Variants in PLCXD3 observed in about 807,000 individuals in gnomAD.
PLCXD3 encodes the protein PI-PLC X domain-containing protein 3.
PLCXD3 carries 19 observed loss-of-function variants against 25.5 expected under a neutral mutation model. That is an observed-to-expected ratio of 0.75 (90% CI 0.52 to 1.09). PLCXD3 has a LOEUF of 1.09. Among genes scored for constraint, PLCXD3 ranks in the 50% least tolerant of loss-of-function variants. PLCXD3 has a pLI of 0.00. For missense variants in PLCXD3, 411 were observed against 388.1 expected (o/e 1.06, Z -0.50); for synonymous variants, 174 against 137.6 (o/e 1.26, Z -1.85).
intron 1 of PLCXD3, among the ~76,000 whole-genome samples, chr5:41,482,292 A>C (rs1748430228): frequency 6.6e-6 from 1 of 152,162 alleles, no homozygotes; most frequent in African/African-American, 2.4e-5. Flanking sequence ...TGGATGAATG[A>C]GTCCCAAATC....
chr5:41,470,379 G>GA (rs61142255), intron 1 of PLCXD3, among the ~76,000 whole-genome samples: 32,604 of 151,886 alleles, frequency 0.21, 3,491 homozygotes, highest in Admixed American at 0.24. Flanking sequence ...ACAGAAATCT[G>GA]AAAAAAACAT....
intron 1 of PLCXD3, among the ~76,000 whole-genome samples, chr5:41,407,823 A>G (rs1465920235): frequency 6.6e-6 from 1 of 152,214 alleles, no homozygotes; most frequent in Non-Finnish European, 1.5e-5. Flanking sequence ...TCATGCTGTG[A>G]TTTCTCTTTG....
intron 2 of PLCXD3, among the ~76,000 whole-genome samples, chr5:41,346,736 G>T (rs1158381350): frequency 6.6e-6 from 1 of 152,148 alleles, no homozygotes; most frequent in Non-Finnish European, 1.5e-5. Flanking sequence ...ATGTCATATG[G>T]TTGAACTTAC....
intron 2 of PLCXD3, among the ~76,000 whole-genome samples, chr5:41,370,706 A>G (rs560613323): frequency 1.3e-5 from 2 of 152,240 alleles, no homozygotes; most frequent in Admixed American, 1.3e-4. Flanking sequence ...AAACATCTGG[A>G]TCGCAAGCCC....
intron 1 of PLCXD3, among the ~76,000 whole-genome samples, chr5:41,500,131 C>T (rs939169957): frequency 3.3e-5 from 5 of 151,782 alleles, no homozygotes; most frequent in Admixed American, 1.3e-4. Flanking sequence ...TGTTTATCTC[C>T]GCACTATTCA....
chr5:41,480,308 A>C (rs1184587423), intron 1 of PLCXD3, among the ~76,000 whole-genome samples: 1 of 152,138 alleles, frequency 6.6e-6, no homozygotes, highest in Non-Finnish European at 1.5e-5. Context: ...GAGCTCCAGG[A>C]CACAGCAATG....
At chr5:41,397,224 G>A (rs1038138341) in intron 1 of PLCXD3, among the ~76,000 whole-genome samples, 1 of 152,180 alleles carries the variant, frequency 6.6e-6, no homozygotes, top group Non-Finnish European at 1.5e-5. Context: ...AGGGAAGCAT[G>A]GTTTCCTGGG....
chr5:41,313,912 G>C (rs1743214395), intron 2 of PLCXD3, 142 bp from the exon 3 acceptor site: 1 of 919,388 alleles, frequency 1.1e-6, no homozygotes, highest in Non-Finnish European at 1.6e-6. Flanking sequence ...AAGGCCAAAT[G>C]GACTCTGGGG....
At chr5:41,368,359 T>A (rs933530926) in intron 2 of PLCXD3, among the ~76,000 whole-genome samples, 1 of 152,210 alleles carries the variant, frequency 6.6e-6, no homozygotes, top group East Asian at 1.9e-4. Context: ...TTTATAGGAA[T>A]GCTAGCAATT....
intron 1 of PLCXD3, among the ~76,000 whole-genome samples, chr5:41,412,788 G>A (rs937607187): frequency 1.3e-5 from 2 of 152,106 alleles, no homozygotes; most frequent in Non-Finnish European, 2.9e-5. Flanking sequence ...GATATTGTCT[G>A]GACTTGGTGA....
rs575462292 is a variant in PLCXD3, at chr5:41,350,299, AT to A, written c.812+31526del. Among the ~76,000 whole-genome samples, 12 of 152,254 alleles carry A rather than the reference AT, an allele frequency of 7.9e-5. No individual in the cohort carries two copies. The East Asian group carries it at 2.3e-3, about 29-fold the overall frequency. On this transcript the variant is annotated intron_variant, in intron 2 of 2. Coordinates refer to ENST00000377801, the MANE Select transcript of PLCXD3 (RefSeq NM_001005473.3). ...ACAGCATAGAGGTCCTCAGAGTTCT[AT>A]TTGCTACAGTTCCCACTACCTGACC...
intron 2 of PLCXD3, among the ~76,000 whole-genome samples, chr5:41,342,434 C>T (rs1744178429): frequency 6.7e-6 from 1 of 149,412 alleles, no homozygotes; most frequent in Non-Finnish European, 1.5e-5. Flanking sequence ...ATTTTATTGA[C>T]TCTGTTTCCC....
chr5:41,502,689 G>A (rs183693685), intron 1 of PLCXD3, among the ~76,000 whole-genome samples: 32 of 152,186 alleles, frequency 2.1e-4, no homozygotes, highest in Admixed American at 1.4e-3. Flanking sequence ...CACCCAAACC[G>A]CGTAATTTCT....
At chr5:41,506,964 G>T (rs775227804) in intron 1 of PLCXD3, among the ~76,000 whole-genome samples, 1 of 147,624 alleles carries the variant, frequency 6.8e-6, no homozygotes, top group Non-Finnish European at 1.5e-5. Context: ...ATATGAAAAA[G>T]ATTTTTACAT....
Position 41,459,576 on chromosome 5 carries a change from T to C in PLCXD3, c.103+50848A>G, listed in dbSNP as rs532158442. ...TAGGATATCAATACCAAATTAATAT[T>C]CCTAAAATAACACACACAGAATATT... On this transcript the variant is annotated intron_variant, in intron 1 of 2. Coordinates refer to ENST00000377801, the MANE Select transcript of PLCXD3 (RefSeq NM_001005473.3). 3.3e-5 allele frequency among the ~76,000 whole-genome samples: 5 copies of C among 151,940 alleles called. No individual in the cohort carries two copies. The South Asian group carries it at 8.3e-4, about 25-fold the overall frequency.
intron 1 of PLCXD3, among the ~76,000 whole-genome samples, chr5:41,506,360 G>A (rs572693910): frequency 9.2e-5 from 14 of 152,202 alleles, no homozygotes; most frequent in South Asian, 6.2e-4. Flanking sequence ...TTCCTTGTTC[G>A]CAAAACCAAA....
intron 1 of PLCXD3, among the ~76,000 whole-genome samples, chr5:41,488,442 C>T (rs976376094): frequency 8.3e-6 from 1 of 119,864 alleles, no homozygotes; most frequent in Non-Finnish European, 1.7e-5. Context: ...GGGTATATAC[C>T]CAGTAATGGG....
chr5:41,454,617 C>T (rs12656855), intron 1 of PLCXD3, among the ~76,000 whole-genome samples: 13,831 of 151,936 alleles, frequency 0.091, 824 homozygotes, highest in East Asian at 0.34. Flanking sequence ...CATGCCTATC[C>T]TTCTAAGGAA....
intron 2 of PLCXD3, among the ~76,000 whole-genome samples, chr5:41,366,261 T>A (rs1334407635): frequency 2.0e-5 from 3 of 152,124 alleles, no homozygotes; most frequent in Non-Finnish European, 2.9e-5. Flanking sequence ...AGCCACACAA[T>A]GTTGGAAACA....
Sources: allele counts gnomAD v4.1 joint callset (sites outside exome capture counted in the v4.1 genomes callset), GRCh38; gene constraint gnomAD v4.1.1; transcripts MANE v1.5; gene names NCBI Gene and HGNC (gene_info 2026-07-23, HGNC 2026-07-21).